Variants in ADAMTSL1 observed in about 807,000 individuals in gnomAD.
ADAMTSL1 encodes ADAMTS-like protein 1.
In ADAMTSL1, 126 loss-of-function variants were observed where a neutral mutation model predicts 201.8. The ratio of observed to expected loss-of-function variants is 0.62; its 90% confidence interval spans 0.54 to 0.72. The LOEUF is 0.72. Ranked by LOEUF, ADAMTSL1 falls within the 30% of genes least tolerant of loss-of-function variation. The pLI is 0.00. For synonymous variants in ADAMTSL1, 1,121 were observed against 903.4 expected, an observed-to-expected ratio of 1.24 and a Z score of -4.32; for missense variants, 2,679 against 2,277.8, an observed-to-expected ratio of 1.18 and a Z score of -3.59.
At chr9:18,032,011 C>A (rs1820979937) in intron 1 of ADAMTSL1, among the ~76,000 whole-genome samples, 1 of 152,208 alleles carries the variant, frequency 6.6e-6, no homozygotes. Flanking sequence ...TCATGCTTTT[C>A]AGACTGGGTC....
intron 2 of ADAMTSL1, among the ~76,000 whole-genome samples, chr9:18,265,365 C>T (rs1409335669): frequency 2.0e-5 from 3 of 152,182 alleles, no homozygotes; most frequent in Non-Finnish European, 2.9e-5. Context: ...ATAGCCAGTG[C>T]TTCCTATCTA....
chr9:18,426,678 C>T (rs962890428), intron 2 of ADAMTSL1, among the ~76,000 whole-genome samples: 1 of 151,834 alleles, frequency 6.6e-6, no homozygotes, highest in South Asian at 2.1e-4. Context: ...GCTCTGAGCC[C>T]GGGGGGTTGC....
At chr9:18,599,641 C>T (rs1368614832) in intron 4 of ADAMTSL1, among the ~76,000 whole-genome samples, 2 of 152,026 alleles carry the variant, frequency 1.3e-5, no homozygotes, top group Non-Finnish European at 2.9e-5. Flanking sequence ...AGTTTTCTCC[C>T]TGAGTTTCGT....
intron 15 of ADAMTSL1, among the ~76,000 whole-genome samples, chr9:18,730,966 A>C (rs1588003314): frequency 6.6e-6 from 1 of 152,180 alleles, no homozygotes; most frequent in African/African-American, 2.4e-5. Context: ...CACTTACTCC[A>C]CTATTAGTGA....
At chr9:18,035,175 A>C (rs951764548) in intron 1 of ADAMTSL1, among the ~76,000 whole-genome samples, 5 of 152,238 alleles carry the variant, frequency 3.3e-5, no homozygotes, top group African/African-American at 9.6e-5. Flanking sequence ...GTGCATAAAG[A>C]GAGCTTTAAA....
intron 2 of ADAMTSL1, among the ~76,000 whole-genome samples, chr9:18,399,391 GTGCAGTAGCA>G (rs1225260698): frequency 2.0e-5 from 3 of 147,420 alleles, no homozygotes; most frequent in Non-Finnish European, 4.5e-5. Context: ...CCAGACTGGA[GTGCAGTAGCA>G]TGATCTCGGC....
chr9:18,325,724 C>T (rs10119710), intron 2 of ADAMTSL1, among the ~76,000 whole-genome samples: 45,848 of 151,476 alleles, frequency 0.3, 7,751 homozygotes, highest in Admixed American at 0.49. Context: ...TTGCCTGAAG[C>T]CTCTTTTAAA....
At chr9:18,402,586 A>C (rs1818025586) in intron 2 of ADAMTSL1, among the ~76,000 whole-genome samples, 1 of 152,134 alleles carries the variant, frequency 6.6e-6, no homozygotes, top group Non-Finnish European at 1.5e-5. Context: ...CAGATTTTTC[A>C]GCATCCCTAT....
At chr9:18,042,218 A>T (rs149574118) in intron 1 of ADAMTSL1, among the ~76,000 whole-genome samples, 192 of 152,300 alleles carry the variant, frequency 1.3e-3, no homozygotes, top group African/African-American at 4.0e-3. Context: ...GCATAGAAAT[A>T]GTTAAGATTC....
At chr9:18,107,954 G>T (rs763547547) in intron 1 of ADAMTSL1, among the ~76,000 whole-genome samples, 2 of 152,042 alleles carry the variant, frequency 1.3e-5, no homozygotes, top group Middle Eastern at 3.2e-3. Flanking sequence ...ATTTCTGATG[G>T]GAAAATAGAA....
chr9:18,148,911 C>T (rs1248324584), intron 1 of ADAMTSL1, among the ~76,000 whole-genome samples: 1 of 152,042 alleles, frequency 6.6e-6, no homozygotes. Flanking sequence ...ACTTTAGACC[C>T]TTTCCTTATC....
chr9:18,206,020 C>G (rs1829633923), intron 2 of ADAMTSL1, among the ~76,000 whole-genome samples: 2 of 126,690 alleles, frequency 1.6e-5, no homozygotes, highest in African/African-American at 6.1e-5. Context: ...CGTCATTGCA[C>G]CTCACCCTGG....
At chr9:18,505,656 C>G (rs2131937792) in intron 2 of ADAMTSL1, among the ~76,000 whole-genome samples, 1 of 152,152 alleles carries the variant, frequency 6.6e-6, no homozygotes, top group East Asian at 1.9e-4. Context: ...AGATCTGTCT[C>G]CAAACTATAA....
intron 1 of ADAMTSL1, among the ~76,000 whole-genome samples, chr9:18,145,198 A>G (rs10963475): frequency 0.028 from 4,284 of 152,330 alleles, 69 homozygotes; most frequent in Middle Eastern, 0.044. Flanking sequence ...GCTCAAAGAA[A>G]GAGACCATAA....
At position 18,539,958 on chromosome 9, in the gene ADAMTSL1, A is replaced by C. The variant is rs541229776; in HGVS notation, c.237+6666A>C. Among the ~76,000 whole-genome samples, 45 of 152,312 alleles carry C rather than the reference A, an allele frequency of 3.0e-4. 1 individual carries two copies. The South Asian group carries it at 9.3e-3, about 32-fold the overall frequency. On this transcript the variant is annotated intron_variant, in intron 3 of 28. Transcript: ENST00000380548. ...CACCCAGACATTAATGGTGCTGTAA[A>C]CAGAAATTAAGAGCCTCTGATCCAA...
intron 11 of ADAMTSL1, 113 bp from the exon 12 acceptor site, chr9:18,681,699 G>GGT (rs1554728672): frequency 1.0e-5 from 3 of 287,606 alleles, no homozygotes; most frequent in East Asian, 6.8e-5. Flanking sequence ...TCCTCGTGTG[G>GGT]GGGGGGGGGG....
chr9:18,001,507 C>T (rs989471224), intron 1 of ADAMTSL1, among the ~76,000 whole-genome samples: 1 of 151,940 alleles, frequency 6.6e-6, no homozygotes, highest in African/African-American at 2.4e-5. Flanking sequence ...AGCTACTGAT[C>T]CCATGGCACA....
At chr9:18,185,681 CTA>C (rs1194592142) in intron 2 of ADAMTSL1, among the ~76,000 whole-genome samples, 1 of 152,026 alleles carries the variant, frequency 6.6e-6, no homozygotes, top group Non-Finnish European at 1.5e-5. Context: ...TAAAAAAACA[CTA>C]GCTGTCTAAA....
chr9:18,009,930 T>C (rs1490282371), intron 1 of ADAMTSL1, among the ~76,000 whole-genome samples: 3 of 152,038 alleles, frequency 2.0e-5, no homozygotes. Context: ...ATTTAGAAGA[T>C]AGAAGACAGA....
Sources: allele counts gnomAD v4.1 joint callset (sites outside exome capture counted in the v4.1 genomes callset), GRCh38; gene constraint gnomAD v4.1.1; transcripts MANE v1.5; gene names NCBI Gene and HGNC (gene_info 2026-07-23, HGNC 2026-07-21).